The following GABBR2 variants were observed in gnomAD, a reference collection of about 807,000 sequenced individuals.
GABBR2 encodes the protein G-protein coupled receptor 51.
In GABBR2, 23 loss-of-function variants were observed where a neutral mutation model predicts 105.6. That is an observed-to-expected ratio of 0.22 (90% CI 0.16 to 0.31). GABBR2 has a LOEUF of 0.31. Among genes scored for constraint, GABBR2 ranks in the 10% least tolerant of loss-of-function variants. GABBR2 has a pLI of 1.00. For missense variants in GABBR2, 734 were observed against 1,245.5 expected, an observed-to-expected ratio of 0.59 and a Z score of 6.18; for synonymous variants, 478 against 499.7, an observed-to-expected ratio of 0.96 and a Z score of 0.58.
chr9:98,599,369 CCT>C (rs1384891776), intron 1 of GABBR2, among the ~76,000 whole-genome samples: 4 of 152,224 alleles, frequency 2.6e-5, no homozygotes, highest in Admixed American at 6.5e-5. Flanking sequence ...AGAGCAGCCC[CCT>C]GAGGGCCTTG....
At chr9:98,464,279 G>A (rs550359977) in intron 6 of GABBR2, among the ~76,000 whole-genome samples, 1,531 of 136,526 alleles carry the variant, frequency 0.011, 26 homozygotes, top group African/African-American at 0.04. Context: ...GCCTCTTCCC[G>A]GCCGCCCCGT....
At chr9:98,610,003 C>G (rs1829481978) in intron 1 of GABBR2, among the ~76,000 whole-genome samples, 1 of 152,236 alleles carries the variant, frequency 6.6e-6, no homozygotes, top group African/African-American at 2.4e-5. Flanking sequence ...GAAGGGGACA[C>G]AGAAGCACGT....
At chr9:98,356,766 C>A (rs55765055) in intron 13 of GABBR2, among the ~76,000 whole-genome samples, 2 of 152,026 alleles carry the variant, frequency 1.3e-5, no homozygotes, top group African/African-American at 2.4e-5. Context: ...ACTAAGATGC[C>A]CTTCGGTGGG....
rs975409803 is a variant in GABBR2 at position 98,526,720 on chromosome 9, T to A, written c.630+15153A>T. Among the ~76,000 whole-genome samples the A allele has an allele frequency of 3.9e-5, 6 of 152,210 alleles. No homozygotes were observed. The East Asian group carries it at 9.6e-4, about 24-fold the overall frequency. On this transcript the variant is annotated intron_variant, in intron 3 of 18. Transcript: ENST00000259455. ...ACACAAGCTAGGCACTCAATACATA[T>A]GTCTTAAATGAATGAATGTATTACC... is the stretch of plus-strand genomic sequence containing the variant.
chr9:98,606,485 T>TTTC (rs1829424014), intron 1 of GABBR2, among the ~76,000 whole-genome samples: 1 of 130,562 alleles, frequency 7.7e-6, no homozygotes, highest in African/African-American at 2.7e-5. Context: ...TTTTTTTTCT[T>TTTC]TTTTTTTTTT....
chr9:98,398,292 A>C (rs1328055714), intron 8 of GABBR2, among the ~76,000 whole-genome samples: 1 of 152,036 alleles, frequency 6.6e-6, no homozygotes, highest in Non-Finnish European at 1.5e-5. Context: ...AACAAAAATA[A>C]AAGATTCTAT....
intron 1 of GABBR2, among the ~76,000 whole-genome samples, chr9:98,605,639 ATCTT>A (rs1035701758): frequency 6.6e-6 from 1 of 152,124 alleles, no homozygotes; most frequent in African/African-American, 2.4e-5. Context: ...GCACATTCAC[ATCTT>A]TCTTTAACTG....
intron 1 of GABBR2, among the ~76,000 whole-genome samples, chr9:98,583,609 C>T (rs1383613534): frequency 6.6e-6 from 1 of 152,338 alleles, no homozygotes; most frequent in South Asian, 2.1e-4. Flanking sequence ...GTGAATGTCT[C>T]ATAAGCAAGG....
chr9:98,323,188 G>T (rs973155238), intron 13 of GABBR2, among the ~76,000 whole-genome samples: 1 of 152,208 alleles, frequency 6.6e-6, no homozygotes, highest in Non-Finnish European at 1.5e-5. Flanking sequence ...CACTAATCTA[G>T]ATCTTCCAAC....
At chr9:98,510,679 A>T (rs1827620707) in intron 3 of GABBR2, among the ~76,000 whole-genome samples, 1 of 152,190 alleles carries the variant, frequency 6.6e-6, no homozygotes, top group Non-Finnish European at 1.5e-5. Context: ...AAAGAAGGCC[A>T]TTACATAATG....
At chr9:98,559,830 G>C (rs951360111) in intron 2 of GABBR2, among the ~76,000 whole-genome samples, 3 of 151,370 alleles carry the variant, frequency 2.0e-5, no homozygotes, top group African/African-American at 7.3e-5. Context: ...AAGCAGGGCT[G>C]TGCATCTGTG....
Position 98,303,425 on chromosome 9 carries a change from T to A in GABBR2, c.2230-2A>T. On this transcript the variant is annotated splice_acceptor_variant, in intron 15 of 18. Coordinates refer to ENST00000259455, the MANE Select transcript of GABBR2 (RefSeq NM_005458.8). LOFTEE classifies it high-confidence loss of function. ...TGGGTTTGTTCTCAGGGTGATGAGC[T>A]GAAAGGACAAAGGTTGGGGCGGGGT... The A allele has an allele frequency of 6.2e-7, 1 of 1,613,704 alleles. No homozygotes were observed. Among genetic ancestry groups the A allele is most frequent in the Non-Finnish European group, 8.5e-7 (1 of 1,179,714 alleles).
intron 1 of GABBR2, among the ~76,000 whole-genome samples, chr9:98,663,584 G>T (rs914661): frequency 0.93 from 140,066 of 150,856 alleles, 65,144 homozygotes; most frequent in Middle Eastern, 0.97. Flanking sequence ...AACAAAGGTA[G>T]TCCTTCATTT....
At chr9:98,600,176 A>G (rs1233691889) in intron 1 of GABBR2, among the ~76,000 whole-genome samples, 1 of 152,146 alleles carries the variant, frequency 6.6e-6, no homozygotes, top group Non-Finnish European at 1.5e-5. Context: ...TTCTCATTTC[A>G]ATGATTCCAG....
intron 1 of GABBR2, among the ~76,000 whole-genome samples, chr9:98,620,328 C>G (rs1195567059): frequency 6.6e-6 from 1 of 151,720 alleles, no homozygotes; most frequent in Non-Finnish European, 1.5e-5. Flanking sequence ...CACCTCACCT[C>G]TAATATCAGG....
intron 7 of GABBR2, among the ~76,000 whole-genome samples, chr9:98,437,622 C>T (rs1825949159): frequency 6.9e-6 from 1 of 144,310 alleles, no homozygotes; most frequent in Admixed American, 6.9e-5. Context: ...CTCTTATCTG[C>T]CCACCTGCCA....
intron 1 of GABBR2, among the ~76,000 whole-genome samples, chr9:98,590,574 C>T (rs778651636): frequency 3.3e-5 from 5 of 152,216 alleles, no homozygotes; most frequent in Non-Finnish European, 5.9e-5. Context: ...AAAGTGTACT[C>T]GGGCTGCCGA....
chr9:98,423,172 C>T (rs1261813515), intron 7 of GABBR2, among the ~76,000 whole-genome samples: 2 of 152,182 alleles, frequency 1.3e-5, no homozygotes, highest in East Asian at 3.9e-4. Flanking sequence ...TTCTGGATCC[C>T]TGAGGAATCG....
intron 2 of GABBR2, 76 bp from the exon 3 acceptor site, chr9:98,542,119 TAG>T: frequency 8.2e-7 from 1 of 1,217,982 alleles, no homozygotes; most frequent in Non-Finnish European, 1.2e-6. Flanking sequence ...CCTACTGGAA[TAG>T]AGACTGTTAG....
Sources: allele counts gnomAD v4.1 joint callset (sites outside exome capture counted in the v4.1 genomes callset), GRCh38; gene constraint gnomAD v4.1.1; transcripts MANE v1.5; gene names NCBI Gene and HGNC (gene_info 2026-07-23, HGNC 2026-07-21).